ERC1: variants seen among roughly 807,000 people sequenced by gnomAD.
ERC1 encodes the protein ELKS/RAB6-interacting/CAST family member 1, also known as RAB6 interacting protein 2.
In ERC1, 56 loss-of-function variants were observed where a neutral mutation model predicts 132.0. The ratio of observed to expected loss-of-function variants is 0.42; its 90% CI spans 0.34 to 0.53. The LOEUF (loss-of-function observed/expected upper bound fraction) is 0.53. Ranked by LOEUF, ERC1 falls within the 20% of genes least tolerant of loss-of-function variation. ERC1 has a pLI of 0.03. For synonymous variants in ERC1, 478 were observed against 476.1 expected (o/e 1.00, Z -0.05); for missense variants, 1,202 against 1,349.9 (o/e 0.89, Z 1.72).
intron 17 of ERC1, among the ~76,000 whole-genome samples, chr12:1,433,498 G>A (rs1402823361): frequency 6.6e-6 from 1 of 152,208 alleles, no homozygotes; most frequent in African/African-American, 2.4e-5. Context: ...AGAATGTAGA[G>A]CACTGAACTC....
chr12:1,112,014 G>A (rs1442445066), intron 5 of ERC1, among the ~76,000 whole-genome samples: 3 of 148,894 alleles, frequency 2.0e-5, no homozygotes, highest in Non-Finnish European at 4.4e-5. Context: ...TTGTTGATTA[G>A]CACATTCCAG....
rs1458568471 is a variant in ERC1, at chr12:1,290,010, GAAGT to G, written c.2780+3_2780+6del. 1 of 1,613,390 alleles carries G rather than the reference GAAGT, an allele frequency of 6.2e-7. No homozygotes were observed. Among genetic ancestry groups the G allele is most frequent in the Non-Finnish European group, 8.5e-7 (1 of 1,179,488 alleles). On this transcript the variant is annotated splice_donor_variant and coding_sequence_variant, in exon 15 of 19. Coordinates refer to ENST00000360905, the MANE Select transcript of ERC1 (RefSeq NM_178040.4). LOFTEE classifies it high-confidence loss of function. ...AACACTTAGAGGAAGTTCTGGAGAT[GAAGT>G]AAGTGTTTGTAGTCTTATTCTTCAA...
At chr12:1,327,486 T>A (rs2082531043) in intron 15 of ERC1, among the ~76,000 whole-genome samples, 1 of 152,218 alleles carries the variant, frequency 6.6e-6, no homozygotes, top group Admixed American at 6.5e-5. Context: ...CACATGACAG[T>A]TGATCTTGGG....
chr12:1,402,533 AAG>A (rs1389996684), intron 16 of ERC1, among the ~76,000 whole-genome samples: 1 of 152,014 alleles, frequency 6.6e-6, no homozygotes, highest in African/African-American at 2.4e-5. Context: ...AAAAAAAAGA[AAG>A]AGAAAGAAAA....
chr12:1,244,546 G>A (rs550931568), intron 13 of ERC1: 25 of 451,226 alleles, frequency 5.5e-5, no homozygotes, highest in South Asian at 3.4e-4. Flanking sequence ...TTTTAAGACA[G>A]GGTCTTGCTC....
intron 14 of ERC1, 80 bp from the exon 15 acceptor site, chr12:1,289,772 C>T: frequency 8.9e-7 from 1 of 1,123,850 alleles, no homozygotes; most frequent in Non-Finnish European, 1.3e-6. Context: ...TTTCTGGACC[C>T]AGGAGTTGCG....
chr12:1,404,534 G>C (rs1011483925), intron 16 of ERC1, among the ~76,000 whole-genome samples: 1 of 152,224 alleles, frequency 6.6e-6, no homozygotes, highest in Non-Finnish European at 1.5e-5. Context: ...TCTCTTTTGA[G>C]TGAGACACTG....
chr12:1,279,730 C>T (rs1034397083), intron 14 of ERC1, among the ~76,000 whole-genome samples: 1 of 151,364 alleles, frequency 6.6e-6, no homozygotes, highest in Admixed American at 6.6e-5. Flanking sequence ...GCTCTGTCGC[C>T]CAGGCCGGAC....
chr12:1,039,875 A>C (rs1969875524), intron 2 of ERC1, among the ~76,000 whole-genome samples: 1 of 152,200 alleles, frequency 6.6e-6, no homozygotes, highest in South Asian at 2.1e-4. Flanking sequence ...GAGAGGGAGA[A>C]GCCATTAGAA....
At chr12:1,194,454 ATAAAG>A (rs1235129094) in intron 12 of ERC1, among the ~76,000 whole-genome samples, 1 of 151,980 alleles carries the variant, frequency 6.6e-6, no homozygotes, top group Non-Finnish European at 1.5e-5. Context: ...AATAAATTAA[ATAAAG>A]TACTTAGAAG....
At chr12:1,410,190 C>T (rs1439371581) in intron 17 of ERC1, among the ~76,000 whole-genome samples, 2 of 152,160 alleles carry the variant, frequency 1.3e-5, no homozygotes, top group Non-Finnish European at 2.9e-5. Context: ...GTTGAATCCA[C>T]AGATGTGGAA....
chr12:1,039,021 T>C (rs1592866292), intron 2 of ERC1, among the ~76,000 whole-genome samples: 1 of 150,528 alleles, frequency 6.6e-6, no homozygotes, highest in Non-Finnish European at 1.5e-5. Flanking sequence ...CTCGGCAAAA[T>C]AGTGAGACCC....
rs1966892780 is a variant in ERC1 at position 1,026,397 on chromosome 12, CTGTT to C, written c.-156-1348_-156-1345del. ...GGACACAGCCAAACCATATCACTCA[CTGTT>C]TGGAAACGTTACTTTTAACATATAT... On this transcript the variant is annotated intron_variant, in intron 1 of 18. Transcript: ENST00000360905. Among the ~76,000 whole-genome samples the C allele has an allele frequency of 3.3e-5, 5 of 152,308 alleles. No homozygotes were observed. In the South Asian group the frequency reaches 1.0e-3, roughly 32 times the overall value.
intron 18 of ERC1, chr12:1,481,030 G>C (rs1346652906): frequency 1.7e-6 from 1 of 589,102 alleles, no homozygotes; most frequent in East Asian, 2.8e-5. Context: ...ATATATACCT[G>C]AGATAAAGTC....
chr12:1,452,072 G>A (rs1227872820), intron 18 of ERC1, among the ~76,000 whole-genome samples: 1 of 152,188 alleles, frequency 6.6e-6, no homozygotes, highest in Admixed American at 6.5e-5. Context: ...CCAGAACTGT[G>A]AGAAAATTAA....
At chr12:1,195,868 T>G (rs1475925180) in intron 12 of ERC1, among the ~76,000 whole-genome samples, 8 of 144,734 alleles carry the variant, frequency 5.5e-5, no homozygotes, top group Non-Finnish European at 1.0e-4. Context: ...ATTATGTACT[T>G]ATTTCCGCCC....
chr12:1,495,487 C>T lies in ERC1; in HGVS notation c.*5257C>T, dbSNP rs1395628594. The T allele has an allele frequency of 8.7e-6, 2 of 228,866 alleles. No individual in the cohort carries two copies. The highest frequency in any genetic ancestry group is 1.7e-5 in the Non-Finnish European group (2 of 115,344). 14.2% of individuals were successfully genotyped at this position (228,866 alleles called of 1,614,324 possible). A position where few individuals can be genotyped will look rare whatever the true frequency, so the allele number is the denominator to read the frequency against. ...TCCAGCCCCTCATTCCACACCACGC[C>T]AGTATTGCATCCATCTACTGCAGCT... On this transcript the variant is annotated 3_prime_UTR_variant, in exon 19 of 19. Transcript: ENST00000360905.
At chr12:1,441,255 T>G (rs1183820379) in intron 17 of ERC1, among the ~76,000 whole-genome samples, 1 of 151,614 alleles carries the variant, frequency 6.6e-6, no homozygotes, top group Admixed American at 6.6e-5. Flanking sequence ...GAGATGGGGT[T>G]TCACCGTATT....
intron 16 of ERC1, among the ~76,000 whole-genome samples, chr12:1,399,584 A>C (rs1052831846): frequency 2.0e-5 from 3 of 152,170 alleles, no homozygotes; most frequent in African/African-American, 7.2e-5. Flanking sequence ...CCACTGATCT[A>C]CTTTCTCTAT....
Sources: gnomAD v4.1 joint callset for allele counts (sites outside exome capture counted in the v4.1 genomes callset) on GRCh38, gnomAD v4.1.1 for gene constraint, MANE v1.5 for transcripts, NCBI Gene and HGNC (gene_info 2026-07-23, HGNC 2026-07-21) for gene names.